The following KIF27 variants were observed in gnomAD, a reference collection of about 807,000 sequenced individuals.
The protein encoded by KIF27 is kinesin family member 27.
In KIF27, 84 loss-of-function variants were observed where a neutral mutation model predicts 141.8. The observed-to-expected ratio is 0.59, with a 90% CI of 0.50 to 0.71. The LOEUF (loss-of-function observed/expected upper bound fraction) is 0.71, where lower values mean the gene tolerates loss of function less well. KIF27 is among the 30% of genes least tolerant of loss of function. The probability of loss-of-function intolerance (pLI) is 0.00; values close to 1 mark genes in which losing one functional copy is unlikely to be tolerated. For synonymous variants in KIF27, 471 were observed against 569.5 expected (o/e 0.83, Z 2.46); for missense variants, 1,306 against 1,628.4 (o/e 0.80, Z 3.41).
rs1564250985 is a variant in KIF27, at chr9:83,836,476, CTG to C, written c.*523_*524del. On this transcript the variant is annotated 3_prime_UTR_variant, in exon 18 of 18. Transcript: ENST00000297814. Reference sequence around the variant, plus strand: ...TTTAAAAAGTCAGGACTGACCGTTTCTGTGAGTTCTGAGGACTGTAAATGAGC... The same window carrying C: ...TTTAAAAAGTCAGGACTGACCGTTTCTGAGTTCTGAGGACTGTAAATGAGC... Among the ~76,000 whole-genome samples the C allele has an allele frequency of 6.6e-6, 1 of 152,082 alleles. No individual in the cohort carries two copies. Among genetic ancestry groups the C allele is most frequent in the Admixed American group, 6.6e-5 (1 of 15,266 alleles).
At chr9:83,870,387 G>A (rs1158690420) in intron 12 of KIF27, 132 bp downstream of exon 12, 1 of 1,302,398 alleles carries the variant, frequency 7.7e-7, no homozygotes, top group African/African-American at 1.5e-5. Context: ...GGCTGGTCTT[G>A]AACTCCTGAC....
intron 13 of KIF27, among the ~76,000 whole-genome samples, chr9:83,866,513 A>T (rs1476068834): frequency 1.2e-4 from 18 of 151,318 alleles, no homozygotes; most frequent in Admixed American, 1.2e-3. Flanking sequence ...TTTCCCTTTT[A>T]TGGCTTTTCA....
At chr9:83,906,721 T>C (rs1429057062) in intron 3 of KIF27, among the ~76,000 whole-genome samples, 1 of 134,584 alleles carries the variant, frequency 7.4e-6, no homozygotes, top group Non-Finnish European at 1.5e-5. Flanking sequence ...CCAGCCTGGC[T>C]GACAGAGGTA....
At chr9:83,909,255 T>C (rs904027148) in intron 2 of KIF27, among the ~76,000 whole-genome samples, 2 of 151,844 alleles carry the variant, frequency 1.3e-5, no homozygotes, top group African/African-American at 4.8e-5. Flanking sequence ...AGCCGAGAGA[T>C]GCTTGCAACT....
At chr9:83,906,350 A>G (rs540587481) in intron 3 of KIF27, among the ~76,000 whole-genome samples, 4 of 152,316 alleles carry the variant, frequency 2.6e-5, no homozygotes, top group South Asian at 2.1e-4. Context: ...GACTAAAGCC[A>G]TCTTACTTTC....
At chr9:83,848,263 G>GATATGATAT (rs1947926766) in intron 16 of KIF27, among the ~76,000 whole-genome samples, 4 of 97,904 alleles carry the variant, frequency 4.1e-5, no homozygotes, top group Non-Finnish European at 6.0e-5. Flanking sequence ...TGATATATAT[G>GATATGATAT]ATATATCAGA....
chr9:83,919,947 T>C (rs956277593), intron 1 of KIF27, among the ~76,000 whole-genome samples: 1 of 144,926 alleles, frequency 6.9e-6, no homozygotes, highest in African/African-American at 2.6e-5. Flanking sequence ...AAAATAATAA[T>C]GGGGCCGGGC....
intron 1 of KIF27, among the ~76,000 whole-genome samples, chr9:83,917,309 T>C (rs2132845816): frequency 6.6e-6 from 1 of 152,274 alleles, no homozygotes; most frequent in African/African-American, 2.4e-5. Flanking sequence ...TATAAAATAC[T>C]GTTAGAAGAA....
At chr9:83,916,851 C>G (rs1034054174) in intron 1 of KIF27, among the ~76,000 whole-genome samples, 7 of 152,108 alleles carry the variant, frequency 4.6e-5, no homozygotes, top group Admixed American at 3.3e-4. Flanking sequence ...TTTTAGTAGA[C>G]ATGGGGTTTC....
chr9:83,877,040 G>A (rs1416989854), intron 11 of KIF27, among the ~76,000 whole-genome samples: 6 of 152,106 alleles, frequency 3.9e-5, no homozygotes, highest in Admixed American at 1.3e-4. Context: ...TCATGGCACC[G>A]CACTTCAGCC....
intron 11 of KIF27, among the ~76,000 whole-genome samples, chr9:83,873,923 G>A (rs1951001482): frequency 6.6e-6 from 1 of 152,022 alleles, no homozygotes. Flanking sequence ...GTGGTGGCAA[G>A]TGCCTGTAGT....
intron 14 of KIF27, among the ~76,000 whole-genome samples, chr9:83,857,032 A>G (rs1488297990): frequency 3.3e-5 from 5 of 151,614 alleles, no homozygotes; most frequent in African/African-American, 1.2e-4. Context: ...GTATTATTAG[A>G]AATCTAAAGT....
chr9:83,921,191 C>T (rs1459536001), intron 1 of KIF27, among the ~76,000 whole-genome samples, 180 bp downstream of exon 1: 2 of 151,968 alleles, frequency 1.3e-5, no homozygotes, highest in Non-Finnish European at 2.9e-5. Flanking sequence ...TAGCTGGCGC[C>T]CCAACCGCCC....
At chr9:83,906,636 G>A (rs1443859384) in intron 3 of KIF27, among the ~76,000 whole-genome samples, 4 of 151,440 alleles carry the variant, frequency 2.6e-5, no homozygotes, top group African/African-American at 4.9e-5. Context: ...CCAGCTACTC[G>A]GGAGGCTGAG....
chr9:83,850,557 G>A (rs1192201668), intron 15 of KIF27, among the ~76,000 whole-genome samples: 3 of 151,910 alleles, frequency 2.0e-5, no homozygotes, highest in Non-Finnish European at 4.4e-5. Flanking sequence ...AGGTGGGGGG[G>A]ATCGCTTGAG....
intron 13 of KIF27, among the ~76,000 whole-genome samples, chr9:83,865,762 T>G (rs146968304): frequency 0.1 from 15,568 of 152,284 alleles, 994 homozygotes; most frequent in Non-Finnish European, 0.14. Flanking sequence ...TTTTTCCTTT[T>G]GTTTTGTTTT....
In KIF27 at chr9:83,836,526, T is replaced by C. The variant is rs1212632868; in HGVS notation, c.*475A>G. Among the ~76,000 whole-genome samples, 1 of 152,076 alleles carries C rather than the reference T, an allele frequency of 6.6e-6. No individual in the cohort carries two copies. The highest frequency in any genetic ancestry group is 1.5e-5 in the Non-Finnish European group (1 of 68,004). On this transcript the variant is annotated 3_prime_UTR_variant, in exon 18 of 18. Coordinates refer to ENST00000297814, the MANE Select transcript of KIF27 (RefSeq NM_017576.4). ...AGCCTCAATCCATAAAGCTGAGAGGTTGTCTTAGCCCACATATGCAGCAGG... is the reference window on the plus strand; with the variant it reads ...AGCCTCAATCCATAAAGCTGAGAGGCTGTCTTAGCCCACATATGCAGCAGG...
intron 15 of KIF27, 111 bp downstream of exon 15, chr9:83,853,518 A>C: frequency 1.4e-6 from 1 of 697,516 alleles, no homozygotes; most frequent in Non-Finnish European, 2.4e-6. Context: ...TTGTAGTTAC[A>C]TCATCAAATC....
chr9:83,848,046 C>G (rs1285208696), intron 16 of KIF27: 5 of 86,482 alleles, frequency 5.8e-5, no homozygotes, highest in Non-Finnish European at 6.8e-5. Flanking sequence ...TATATATCTA[C>G]ATATATCTAT....
Sources: gnomAD v4.1 joint callset for allele counts (sites outside exome capture counted in the v4.1 genomes callset) on GRCh38, gnomAD v4.1.1 for gene constraint, MANE v1.5 for transcripts, NCBI Gene and HGNC (gene_info 2026-07-23, HGNC 2026-07-21) for gene names.